KIAA2012: variants seen among roughly 807,000 people sequenced by gnomAD.
KIAA2012 encodes KIAA2012, also known as uncharacterized protein KIAA2012.
A neutral mutation model predicts 150.6 loss-of-function variants in KIAA2012; 125 were observed. The observed-to-expected ratio is 0.83, with a 90% confidence interval of 0.72 to 0.96. The LOEUF is 0.96. Among genes scored for constraint, KIAA2012 ranks in the 40% least tolerant of loss-of-function variants. The pLI, the probability that KIAA2012 is intolerant of heterozygous loss-of-function variation, is 0.00. For missense variants in KIAA2012, 1,219 were observed against 1,354.9 expected (o/e 0.90, Z 1.57); for synonymous variants, 462 against 504.7 (o/e 0.92, Z 1.13).
At position 202,165,328 on chromosome 2, in the gene KIAA2012, C is replaced by T. The variant is rs1269816112; in HGVS notation, c.2091C>T (p.Pro697=). The stretch of plus-strand genomic sequence containing the variant: ...ACTATCAGGAAGAAGCAGGGAGACC[C>T]CTCAGAGAAACTCACCACAACGACC... ...ALDYQEEAGR[P]LRETHHNDQD... Residue 697 remains proline (P), a synonymous_variant, in exon 15 of 24, where the codon CCC becomes CCT. Coordinates refer to ENST00000498697, the MANE Select transcript of KIAA2012 (RefSeq NM_001277372.4). The T allele has an allele frequency of 1.6e-5, 25 of 1,550,308 alleles. No homozygotes were observed. Among genetic ancestry groups the T allele is most frequent in the Non-Finnish European group, 2.2e-5 (25 of 1,146,822 alleles).
intron 15 of KIAA2012, among the ~76,000 whole-genome samples, chr2:202,170,759 G>C: frequency 6.6e-6 from 1 of 152,184 alleles, no homozygotes; most frequent in East Asian, 1.9e-4. Flanking sequence ...AGGCATTTAC[G>C]AACCTAGACT....
At chr2:202,138,354 G>GTGTA (rs1312444457) in intron 12 of KIAA2012, 78 bp from the exon 13 acceptor site, 2 of 936,886 alleles carry the variant, frequency 2.1e-6, no homozygotes, top group East Asian at 2.6e-5. Context: ...GTGTGTGTGT[G>GTGTA]TGTATGGTAT....
At chr2:202,076,396 A>G (rs1224728698) in intron 2 of KIAA2012, among the ~76,000 whole-genome samples, 6 of 152,104 alleles carry the variant, frequency 3.9e-5, no homozygotes, top group Admixed American at 2.0e-4. Context: ...ACCTACCCCC[A>G]TGCCAGGCAG....
chr2:202,196,186 C>CTTTTCTTTTTTTTTTTTTTTTT (rs59455367), intron 21 of KIAA2012, among the ~76,000 whole-genome samples: 2 of 79,702 alleles, frequency 2.5e-5, no homozygotes, highest in African/African-American at 1.2e-4. Context: ...CTTTTCTTTT[C>CTTTTCTTTTTTTTTTTTTTTTT]TTTTTTTTTT....
chr2:202,087,900 A>G (rs1401779217), intron 2 of KIAA2012, among the ~76,000 whole-genome samples: 2 of 151,992 alleles, frequency 1.3e-5, no homozygotes, highest in South Asian at 2.1e-4. Flanking sequence ...CTGAGATGCA[A>G]CGGAGTCTGG....
At chr2:202,106,033 C>T (rs1487116897) in intron 9 of KIAA2012, 123 bp downstream of exon 9, 3 of 1,540,510 alleles carry the variant, frequency 1.9e-6, no homozygotes, top group East Asian at 2.4e-5. Context: ...CACCAGCAGC[C>T]ACTGGAAGAT....
intron 22 of KIAA2012, among the ~76,000 whole-genome samples, chr2:202,198,550 C>T (rs1692453902): frequency 6.6e-6 from 1 of 152,156 alleles, no homozygotes; most frequent in Admixed American, 6.5e-5. Context: ...CCCCTTTATT[C>T]TCCTACACTA....
At chr2:202,149,055 C>T (rs1003705160) in intron 13 of KIAA2012, among the ~76,000 whole-genome samples, 1 of 152,144 alleles carries the variant, frequency 6.6e-6, no homozygotes, top group Non-Finnish European at 1.5e-5. Context: ...AGGCCCTTTG[C>T]TCCTGCAGGA....
chr2:202,194,864 G>C (rs1692386709), intron 21 of KIAA2012, among the ~76,000 whole-genome samples: 1 of 152,112 alleles, frequency 6.6e-6, no homozygotes, highest in African/African-American at 2.4e-5. Context: ...TGCCTCCCAG[G>C]TTCAAGCAGT....
At chr2:202,095,298 CCT>C (rs1689840364) in intron 4 of KIAA2012, among the ~76,000 whole-genome samples, 1 of 152,200 alleles carries the variant, frequency 6.6e-6, no homozygotes, top group African/African-American at 2.4e-5. Context: ...CACTGGTTTC[CCT>C]CTCTTTGCCC....
chr2:202,165,145 A>T lies in KIAA2012; in HGVS notation c.2047-139A>T. ...TAGCAGCCTTCCTGGAGACTTAAGT[A>T]AAAAGTTGACGAAGAAGGAGAAGAA... On this transcript the variant is annotated intron_variant, in intron 14 of 23. Transcript: ENST00000498697. 3 of 746,340 alleles carry T rather than the reference A, an allele frequency of 4.0e-6. No individual in the cohort carries two copies. The South Asian group carries it at 5.5e-5, about 14-fold the overall frequency. The allele number at this position is 746,340 out of a possible 1,614,324, so 46.2% of individuals were successfully genotyped here. A position where few individuals can be genotyped will look rare whatever the true frequency, so the allele number is the denominator to read the frequency against.
intron 13 of KIAA2012, among the ~76,000 whole-genome samples, chr2:202,142,018 A>G (rs904098395): frequency 6.6e-6 from 1 of 152,240 alleles, no homozygotes; most frequent in Middle Eastern, 3.2e-3. Context: ...TTAAAAGAAA[A>G]TCATTGAGAA....
chr2:202,096,057 C>A (rs532019147), intron 4 of KIAA2012, among the ~76,000 whole-genome samples: 3 of 152,212 alleles, frequency 2.0e-5, no homozygotes, highest in Admixed American at 1.3e-4. Flanking sequence ...GCACTCCAGC[C>A]TGGGCAACAG....
At chr2:202,190,038 T>A in intron 18 of KIAA2012, 136 bp from the exon 19 acceptor site, 1 of 662,930 alleles carries the variant, frequency 1.5e-6, no homozygotes, top group Non-Finnish European at 2.4e-6. Flanking sequence ...CAGTGAGCCA[T>A]GATCGTGCCA....
chr2:202,095,945 A>G lies in KIAA2012; in HGVS notation c.686-1490A>G, dbSNP rs182301214. 9.6e-4 allele frequency among the ~76,000 whole-genome samples: 146 copies of G among 152,216 alleles called. 1 individual carries two copies. The highest frequency in any genetic ancestry group is 6.3e-3 in the Admixed American group (97 of 15,302). Reference sequence around the variant, plus strand: ...CTAAAGATACAAAAATTAGCTGGGCATGGTGGTGCATGCCTATAATCCCAG... The same window carrying G: ...CTAAAGATACAAAAATTAGCTGGGCGTGGTGGTGCATGCCTATAATCCCAG... On this transcript the variant is annotated intron_variant, in intron 4 of 23. Transcript: ENST00000498697.
chr2:202,196,290 G>A (rs1692413626), intron 21 of KIAA2012, among the ~76,000 whole-genome samples: 1 of 146,496 alleles, frequency 6.8e-6, no homozygotes, highest in Non-Finnish European at 1.5e-5. Flanking sequence ...CGCCTCCCAG[G>A]TTCACGCCAT....
chr2:202,174,665 C>T (rs1432758173), intron 15 of KIAA2012, among the ~76,000 whole-genome samples: 1 of 152,228 alleles, frequency 6.6e-6, no homozygotes, highest in African/African-American at 2.4e-5. Context: ...ATATACCCAT[C>T]TCTTGGCCAG....
intron 13 of KIAA2012, among the ~76,000 whole-genome samples, chr2:202,146,095 A>G (rs1476441018): frequency 6.6e-6 from 1 of 152,180 alleles, no homozygotes; most frequent in Admixed American, 6.5e-5. Context: ...TACAGTTATT[A>G]TCCCTGTTTA....
chr2:202,179,795 T>C lies in KIAA2012; in HGVS notation c.2120-4958T>C, dbSNP rs1692080040. The C allele has an allele frequency of 1.4e-5, 9 of 624,156 alleles. 1 individual carries two copies. The highest frequency in any genetic ancestry group is 1.2e-4 in the South Asian group (9 of 73,320). The allele number at this position is 624,156 out of a possible 1,614,324, so 38.7% of individuals were successfully genotyped here. A position where few individuals can be genotyped will look rare whatever the true frequency, so the allele number is the denominator to read the frequency against. On this transcript the variant is annotated intron_variant, in intron 15 of 23. Coordinates refer to ENST00000498697, the MANE Select transcript of KIAA2012 (RefSeq NM_001277372.4). The stretch of plus-strand genomic sequence containing the variant: ...GCCACAGCAGTGGGAAAGAACTATG[T>C]GAATGGGGAAACTTCCCTTGAGAAA...
Sources: gnomAD v4.1 joint callset for allele counts (sites outside exome capture counted in the v4.1 genomes callset) on GRCh38, gnomAD v4.1.1 for gene constraint, MANE v1.5 for transcripts, NCBI Gene and HGNC (gene_info 2026-07-23, HGNC 2026-07-21) for gene names.